LMTK2: variants seen among roughly 807,000 people sequenced by gnomAD.
LMTK2 encodes serine/threonine-protein kinase LMTK2.
A neutral mutation model predicts 127.5 loss-of-function variants in LMTK2; 37 were observed. The observed-to-expected ratio is 0.29, with a 90% CI of 0.22 to 0.38. LMTK2 has a LOEUF of 0.38. Among genes scored for constraint, LMTK2 ranks in the 10% least tolerant of loss-of-function variants. The pLI, the probability that LMTK2 is intolerant of heterozygous loss-of-function variation, is 1.00. For missense variants in LMTK2, 1,694 were observed against 1,920.3 expected (o/e 0.88, Z 2.20); for synonymous variants, 819 against 810.1 (o/e 1.01, Z -0.19).
Position 98,194,787 on chromosome 7 carries a change from G to T in LMTK2, c.4107+215G>T, listed in dbSNP as rs1005336088. Among the ~76,000 whole-genome samples, 1 of 152,166 alleles carries T rather than the reference G, an allele frequency of 6.6e-6. No individual in the cohort carries two copies. The highest frequency in any genetic ancestry group is 1.5e-5 in the Non-Finnish European group (1 of 68,036). On this transcript the variant is annotated intron_variant, in intron 11 of 13. Coordinates refer to ENST00000297293, the MANE Select transcript of LMTK2 (RefSeq NM_014916.4). This position sits in a 1 kb window ranked among gnomAD's most constrained non-coding sequence, Gnocchi z 5.4. ...GTATTAAATTAAGAGAAAGAGACCC[G>T]AATGCTCTTCCTGGGTCTTCTAATG...
chr7:98,174,916 G>T (rs1454487920), intron 7 of LMTK2, among the ~76,000 whole-genome samples: 2 of 152,184 alleles, frequency 1.3e-5, no homozygotes, highest in Non-Finnish European at 2.9e-5. Context: ...CCCAGCAGGA[G>T]AGTGGAAACG....
intron 11 of LMTK2, among the ~76,000 whole-genome samples, chr7:98,203,122 T>A (rs772822123): frequency 6.6e-6 from 1 of 152,194 alleles, no homozygotes; most frequent in Non-Finnish European, 1.5e-5. Context: ...AAAGCTGGAA[T>A]TCCCCCTTCT....
chr7:98,135,778 C>G (rs904401936), intron 1 of LMTK2, among the ~76,000 whole-genome samples: 12 of 151,876 alleles, frequency 7.9e-5, no homozygotes, highest in African/African-American at 2.9e-4. Context: ...ATGTAAAAAT[C>G]TTTATGCTCT....
rs532052708 is a variant in LMTK2, at chr7:98,192,695, G to T, written c.2230G>T (p.Asp744Tyr). ...GSLSSKEHINDLQTELKNAGF... is the reference protein window; with the variant it reads ...GSLSSKEHINYLQTELKNAGF... ...ATTGTCCAGCAAAGAACACATAAAT[G>T]ATCTTCAGACAGAACTTAAGAATGC... Residue 744 changes from aspartate (D) to tyrosine (Y), a missense_variant, in exon 11 of 14, where the codon GAT (aspartate) becomes TAT (tyrosine). Around this residue, in one of 8 missense-constraint regions of LMTK2, gnomAD observed 527 missense variants for 539.8 expected, o/e 0.98. Coordinates refer to ENST00000297293, the MANE Select transcript of LMTK2 (RefSeq NM_014916.4). 2 of 1,611,214 alleles carry T rather than the reference G, an allele frequency of 1.2e-6. No homozygotes were observed. Among genetic ancestry groups the T allele is most frequent in the East Asian group, 2.2e-5 (1 of 44,872 alleles).
chr7:98,175,150 G>A (rs1024279343), intron 7 of LMTK2, among the ~76,000 whole-genome samples: 21 of 152,184 alleles, frequency 1.4e-4, no homozygotes, highest in Admixed American at 3.9e-4. Context: ...TGCACATACC[G>A]TGTGTGGTCA....
chr7:98,140,158 TTTTC>T (rs1365513603), intron 2 of LMTK2, among the ~76,000 whole-genome samples: 3 of 3,610 alleles, frequency 8.3e-4, no homozygotes, highest in Admixed American at 4.9e-3. Flanking sequence ...TTTTCTTTTC[TTTTC>T]TTTTCTTTTC....
chr7:98,140,147 CTTTTCTTTT>C (rs1796665197), intron 2 of LMTK2, among the ~76,000 whole-genome samples: 3 of 62,746 alleles, frequency 4.8e-5, no homozygotes, highest in Non-Finnish European at 7.7e-5. Flanking sequence ...TCTTTCTTTT[CTTTTCTTTT>C]CTTTTCTTTT....
intron 2 of LMTK2, among the ~76,000 whole-genome samples, chr7:98,138,436 G>A (rs1360780383): frequency 6.6e-6 from 1 of 152,202 alleles, no homozygotes; most frequent in Non-Finnish European, 1.5e-5. Context: ...TCTTGGGTCA[G>A]CACTGGCCGT....
intron 3 of LMTK2, among the ~76,000 whole-genome samples, chr7:98,149,431 T>G (rs1256386865): frequency 6.6e-6 from 1 of 152,228 alleles, no homozygotes; most frequent in Non-Finnish European, 1.5e-5. Flanking sequence ...AAAAAGTCTT[T>G]TAGTGTTTCT....
intron 2 of LMTK2, among the ~76,000 whole-genome samples, chr7:98,139,135 T>C (rs1211676295): frequency 6.6e-6 from 1 of 152,194 alleles, no homozygotes; most frequent in Non-Finnish European, 1.5e-5. Context: ...TTTTCTTCTT[T>C]TCTTTTTTCA....
At chr7:98,125,036 G>GC (rs1287764280) in intron 1 of LMTK2, among the ~76,000 whole-genome samples, 2 of 151,214 alleles carry the variant, frequency 1.3e-5, no homozygotes, top group Admixed American at 1.3e-4. Flanking sequence ...TAGGCGCATG[G>GC]CTCACGCCTG....
At position 98,171,704 on chromosome 7, in the gene LMTK2, C is replaced by A. The variant is rs565929043; in HGVS notation, c.791+30C>A. 1.6e-5 allele frequency: 24 copies of A among 1,536,090 alleles called. No homozygotes were observed. The South Asian group carries it at 2.9e-4, about 19-fold the overall frequency. On this transcript the variant is annotated intron_variant, in intron 7 of 13. Transcript: ENST00000297293. This position sits in a 1 kb window ranked among gnomAD's most constrained non-coding sequence, Gnocchi z 5.1. ...GTACCTGCGTCAGCGGTGCACGCCCCACACAGCACCGGCGGGACAGTCCAG... is the reference window on the plus strand; with the variant it reads ...GTACCTGCGTCAGCGGTGCACGCCCAACACAGCACCGGCGGGACAGTCCAG...
intron 11 of LMTK2, among the ~76,000 whole-genome samples, chr7:98,199,842 A>G (rs1223504775): frequency 3.3e-5 from 5 of 152,030 alleles, no homozygotes; most frequent in Non-Finnish European, 7.4e-5. Context: ...GCATCCTTTT[A>G]CTTTTAATCT....
At chr7:98,168,810 C>G (rs755519555) in intron 6 of LMTK2, among the ~76,000 whole-genome samples, 4 of 152,238 alleles carry the variant, frequency 2.6e-5, no homozygotes, top group African/African-American at 4.8e-5. Flanking sequence ...ATCTAGTGTC[C>G]TAAGTTTTCC....
At chr7:98,127,082 T>C (rs1248390558) in intron 1 of LMTK2, among the ~76,000 whole-genome samples, 1 of 152,252 alleles carries the variant, frequency 6.6e-6, no homozygotes, top group Non-Finnish European at 1.5e-5. Flanking sequence ...TAAATAGATA[T>C]ATTGTTATAT....
At chr7:98,151,002 A>G (rs1344853598) in intron 3 of LMTK2, among the ~76,000 whole-genome samples, 2 of 152,350 alleles carry the variant, frequency 1.3e-5, no homozygotes, top group African/African-American at 2.4e-5. Flanking sequence ...TATATTGATT[A>G]TACTTCAGTA....
intron 6 of LMTK2, among the ~76,000 whole-genome samples, chr7:98,167,995 C>G (rs1369226366): frequency 6.6e-6 from 1 of 152,150 alleles, no homozygotes; most frequent in Non-Finnish European, 1.5e-5. Context: ...ACCCGACCAG[C>G]TGTGCTTGGG....
chr7:98,132,751 A>T (rs1190158245), intron 1 of LMTK2, among the ~76,000 whole-genome samples: 2 of 152,080 alleles, frequency 1.3e-5, no homozygotes, highest in East Asian at 3.8e-4. Flanking sequence ...CTAAATATTG[A>T]TCATCATTTC....
intron 1 of LMTK2, among the ~76,000 whole-genome samples, chr7:98,132,599 C>A (rs1771482208): frequency 6.6e-6 from 1 of 152,004 alleles, no homozygotes; most frequent in Non-Finnish European, 1.5e-5. Context: ...AGTATCTAGT[C>A]TGCCTTTTCC....
Sources: gnomAD v4.1 joint callset for allele counts (sites outside exome capture counted in the v4.1 genomes callset) on GRCh38, gnomAD v4.1.1 for gene constraint, gnomAD v4.1.1 regional missense constraint, Gnocchi (gnomAD v3.1) non-coding constraint, MANE v1.5 for transcripts, NCBI Gene and HGNC (gene_info 2026-07-23, HGNC 2026-07-21) for gene names.